The following IGFBP4 variants were observed in gnomAD, a reference collection of about 807,000 sequenced individuals.
IGFBP4 encodes insulin-like growth factor-binding protein 4.
IGFBP4 carries 9 observed loss-of-function variants against 25.8 expected under a neutral mutation model. That is an observed-to-expected ratio of 0.35 (90% CI 0.21 to 0.61). The LOEUF is 0.61. IGFBP4 is among the 20% of genes least tolerant of loss of function. IGFBP4 has a pLI of 0.77. For missense variants in IGFBP4, 315 were observed against 365.3 expected, an observed-to-expected ratio of 0.86 and a Z score of 1.12; for synonymous variants, 153 against 153.9, an observed-to-expected ratio of 0.99 and a Z score of 0.05.
In IGFBP4 at chr17:40,446,903, G is replaced by A. The variant is rs10305285; in HGVS notation, c.349+2819G>A. 3.9e-4 allele frequency among the ~76,000 whole-genome samples: 60 copies of A among 152,268 alleles called. No individual in the cohort carries two copies. The South Asian group carries it at 0.012, about 32-fold the overall frequency. On this transcript the variant is annotated intron_variant, in intron 1 of 3. Transcript: ENST00000269593. ...TGGGCCACATGGCACCATGTAAAAG[G>A]CACTCTCTAGAGTTCTGCTGCAGCC...
chr17:40,443,771 G>C lies in IGFBP4; in HGVS notation c.36G>C (p.Leu12=), dbSNP rs1313837294. The change falls in exon 1 of 4, where the codon CTG becomes CTC. Residue 12 remains leucine, a synonymous_variant. Coordinates refer to ENST00000269593, the MANE Select transcript of IGFBP4 (RefSeq NM_001552.3). ...TCTGCCTCGTGGCCGCCCTGCTGCT[G>C]GCCGCCGGGCCCGGGCCGAGCCTGG... is the stretch of plus-strand genomic sequence containing the variant. ...LPLCLVAALL[L]AAGPGPSLGD... The C allele has an allele frequency of 2.0e-6, 3 of 1,505,100 alleles. No homozygotes were observed. The Admixed American group carries it at 6.3e-5, about 32-fold the overall frequency. 93.2% of individuals were successfully genotyped at this position (1,505,100 alleles called of 1,614,324 possible). A position where few individuals can be genotyped will look rare whatever the true frequency, so the allele number is the denominator to read the frequency against.
intron 1 of IGFBP4, among the ~76,000 whole-genome samples, chr17:40,450,691 A>ATT (rs879909845): frequency 7.0e-6 from 1 of 143,848 alleles, no homozygotes; most frequent in Non-Finnish European, 1.5e-5. Flanking sequence ...GGTCTGACTA[A>ATT]TTTTTTTTTT....
At position 40,453,376 on chromosome 17, in the gene IGFBP4, A is replaced by G. The variant is rs1406538357; in HGVS notation, c.507+234A>G. ...GATTCCTTTCCTGCCCATCAGTTATATACATCGGGGCAGCTTAAGTGATTA... is the reference window on the plus strand; with the variant it reads ...GATTCCTTTCCTGCCCATCAGTTATGTACATCGGGGCAGCTTAAGTGATTA... On this transcript the variant is annotated intron_variant, in intron 2 of 3. Transcript: ENST00000269593. This position sits in a 1 kb window ranked among gnomAD's most constrained non-coding sequence, Gnocchi z 4.0. Among the ~76,000 whole-genome samples, 1 of 152,114 alleles carries G rather than the reference A, an allele frequency of 6.6e-6. No homozygotes were observed. The highest frequency in any genetic ancestry group is 2.4e-5 in the African/African-American group (1 of 41,410).
chr17:40,448,073 A>G (rs2035659987), intron 1 of IGFBP4, among the ~76,000 whole-genome samples: 1 of 152,252 alleles, frequency 6.6e-6, no homozygotes, highest in Non-Finnish European at 1.5e-5. Flanking sequence ...ACCCAGCACC[A>G]GCGGTCTTGG....
In IGFBP4 at chr17:40,453,121, C is replaced by G. The variant is rs1481896658; in HGVS notation, c.486C>G (p.Pro162=). The change falls in exon 2 of 4, where the codon CCC becomes CCG. Residue 162 remains proline, a synonymous_variant. Coordinates refer to ENST00000269593, the MANE Select transcript of IGFBP4 (RefSeq NM_001552.3). This position sits in a 1 kb window ranked among gnomAD's most constrained non-coding sequence, Gnocchi z 4.0. ...SGGKMKVNGA[P]REDARPVPQG... is the part of the protein sequence containing the mutation. ...GCAAGATGAAGGTCAATGGGGCGCC[C>G]CGGGAGGATGCCCGGCCTGTGGTAA... The G allele has an allele frequency of 1.3e-6, 2 of 1,579,600 alleles. No individual in the cohort carries two copies. The highest frequency in any genetic ancestry group is 2.7e-5 in the African/African-American group (2 of 73,644).
intron 3 of IGFBP4, among the ~76,000 whole-genome samples, chr17:40,455,526 A>G (rs2035709388): frequency 6.6e-6 from 1 of 151,426 alleles, no homozygotes. Context: ...CTTGTTGCCG[A>G]GGCTGGAGTG....
At chr17:40,448,731 G>C (rs974930750) in intron 1 of IGFBP4, among the ~76,000 whole-genome samples, 2 of 152,172 alleles carry the variant, frequency 1.3e-5, no homozygotes, top group African/African-American at 4.8e-5. Flanking sequence ...ATCCTGGGGT[G>C]GCTCTTCAGT....
intron 1 of IGFBP4, among the ~76,000 whole-genome samples, chr17:40,451,898 G>A (rs970214761): frequency 2.3e-4 from 35 of 152,160 alleles, no homozygotes; most frequent in African/African-American, 7.7e-4. Flanking sequence ...GTGCAGTGGT[G>A]TGATCATAGC....
chr17:40,452,000 G>A (rs1463898982), intron 1 of IGFBP4, among the ~76,000 whole-genome samples: 1 of 151,990 alleles, frequency 6.6e-6, no homozygotes, highest in Non-Finnish European at 1.5e-5. Flanking sequence ...ACCATACCCG[G>A]TTAATTTTTA....
In IGFBP4 at chr17:40,453,212, ATG is replaced by A; in HGVS notation, c.507+71_507+72del. On this transcript the variant is annotated intron_variant, in intron 2 of 3. Transcript: ENST00000269593. The surrounding 1 kb of genome is among the most constrained non-coding windows in gnomAD (Gnocchi z 4.0). ...CACACACATGCCCCCTGCCCCCCAC[ATG>A]CACGCACCCACACACACCATCACCA... is the stretch of plus-strand genomic sequence containing the variant. The A allele has an allele frequency of 3.4e-6, 4 of 1,187,066 alleles. No individual in the cohort carries two copies. Among genetic ancestry groups the A allele is most frequent in the Non-Finnish European group, 4.5e-6 (4 of 884,028 alleles). 73.5% of individuals were successfully genotyped at this position (1,187,066 alleles called of 1,614,324 possible). A position where few individuals can be genotyped will look rare whatever the true frequency, so the allele number is the denominator to read the frequency against.
chr17:40,455,565 C>G (rs2035709667), intron 3 of IGFBP4, among the ~76,000 whole-genome samples: 1 of 151,588 alleles, frequency 6.6e-6, no homozygotes, highest in East Asian at 1.9e-4. Context: ...TCACTGCAAC[C>G]TCCATCTCCC....
chr17:40,443,691 G>T lies in IGFBP4; in HGVS notation c.-45G>T. ...GCTCGCCCGCGCGCCCGCGCTCCCC[G>T]CCTGCGCCCAGCGCCCCGCGCCCGC... On this transcript the variant is annotated 5_prime_UTR_variant, in exon 1 of 4. Transcript: ENST00000269593. 8.5e-7 allele frequency: 1 copy of T among 1,181,308 alleles called. No individual in the cohort carries two copies. The allele number at this position is 1,181,308 out of a possible 1,614,324, so 73.2% of individuals were successfully genotyped here. A position where few individuals can be genotyped will look rare whatever the true frequency, so the allele number is the denominator to read the frequency against.
Position 40,453,841 on chromosome 17 carries a change from C to T in IGFBP4, c.508-87C>T. The stretch of plus-strand genomic sequence containing the variant: ...TGGGGCTCAGGCCTCCTTTCGGGGC[C>T]TTCAGTTCTCACTTAGCTCTGACCC... On this transcript the variant is annotated intron_variant, in intron 2 of 3. Coordinates refer to ENST00000269593, the MANE Select transcript of IGFBP4 (RefSeq NM_001552.3). This position sits in a 1 kb window ranked among gnomAD's most constrained non-coding sequence, Gnocchi z 4.0. The T allele has an allele frequency of 9.7e-7, 1 of 1,026,546 alleles. No homozygotes were observed. Among genetic ancestry groups the T allele is most frequent in the Non-Finnish European group, 1.4e-6 (1 of 712,986 alleles). 63.6% of individuals were successfully genotyped at this position (1,026,546 alleles called of 1,614,324 possible). A position where few individuals can be genotyped will look rare whatever the true frequency, so the allele number is the denominator to read the frequency against.
At chr17:40,450,313 T>A (rs1243067528) in intron 1 of IGFBP4, among the ~76,000 whole-genome samples, 1 of 151,942 alleles carries the variant, frequency 6.6e-6, no homozygotes, top group African/African-American at 2.4e-5. Flanking sequence ...AGTACTTTCT[T>A]TTATGGTCAT....
intron 1 of IGFBP4, among the ~76,000 whole-genome samples, chr17:40,452,713 G>A (rs868437605): frequency 1.3e-5 from 2 of 152,146 alleles, no homozygotes; most frequent in South Asian, 2.1e-4. Context: ...TGCCATCTGG[G>A]CAGCTGCAGC....
rs777313226 is a variant in IGFBP4 at position 40,443,857 on chromosome 17, C to T, written c.122C>T (p.Pro41Leu). Residue 41 changes from proline (P) to leucine (L), a missense_variant, in exon 1 of 4, where the codon CCC (proline) becomes CTC (leucine). Physicochemically the swap from Pro to Leu is moderately conservative, Grantham distance 98. Transcript: ENST00000269593. ...SEEKLARCRP[P>L]VGCEELVREP... ...GAGAAGCTGGCGCGCTGCCGCCCCC[C>T]CGTGGGCTGCGAGGAGCTGGTGCGA... 3.3e-6 allele frequency: 5 copies of T among 1,531,642 alleles called. No homozygotes were observed. Among genetic ancestry groups the T allele is most frequent in the Non-Finnish European group, 4.4e-6 (5 of 1,145,278 alleles). 94.9% of individuals were successfully genotyped at this position (1,531,642 alleles called of 1,614,324 possible).
At chr17:40,449,578 C>A (rs1252046064) in intron 1 of IGFBP4, among the ~76,000 whole-genome samples, 1 of 152,124 alleles carries the variant, frequency 6.6e-6, no homozygotes, top group Non-Finnish European at 1.5e-5. Context: ...GAAACTTCAT[C>A]TCTACTAAAA....
intron 3 of IGFBP4, among the ~76,000 whole-genome samples, chr17:40,455,485 A>ATT (rs758909396): frequency 8.4e-5 from 12 of 142,538 alleles, no homozygotes; most frequent in Non-Finnish European, 9.3e-5. Context: ...TGTCAGGCTA[A>ATT]TTTTTTTTTT....
Position 40,453,949 on chromosome 17 carries a change from G to C in IGFBP4, c.529G>C (p.Glu177Gln). ...CCAGCCCCAGGGCTCCTGCCAGAGC[G>C]AGCTGCACCGGGCGCTGGAGCGGCT... is the stretch of plus-strand genomic sequence containing the variant. ...RPVPQGSCQS[E>Q]LHRALERLAA... is the part of the protein sequence containing the mutation. Residue 177 changes from glutamate (E) to glutamine (Q), a missense_variant, in exon 3 of 4, where the codon GAG (glutamate) becomes CAG (glutamine). Physicochemically the swap from Glu to Gln is conservative, Grantham distance 29. Coordinates refer to ENST00000269593, the MANE Select transcript of IGFBP4 (RefSeq NM_001552.3). The surrounding 1 kb of genome is among the most constrained non-coding windows in gnomAD (Gnocchi z 4.0). The C allele has an allele frequency of 1.9e-6, 3 of 1,610,876 alleles. No homozygotes were observed. The highest frequency in any genetic ancestry group is 8.5e-7 in the Non-Finnish European group (1 of 1,178,874).
Sources: allele counts gnomAD v4.1 joint callset (sites outside exome capture counted in the v4.1 genomes callset), GRCh38; gene constraint gnomAD v4.1.1; non-coding constraint Gnocchi (gnomAD v3.1); transcripts MANE v1.5; gene names NCBI Gene and HGNC (gene_info 2026-07-23, HGNC 2026-07-21).